The following MAST4 variants were observed in gnomAD, a reference collection of about 807,000 sequenced individuals.
MAST4 encodes the protein microtubule associated serine/threonine kinase family member 4.
A neutral mutation model predicts 162.7 loss-of-function variants in MAST4; 89 were observed. The ratio of observed to expected loss-of-function variants is 0.55; its 90% confidence interval spans 0.46 to 0.65. MAST4 has a LOEUF of 0.65. MAST4 is among the 30% of genes least tolerant of loss of function. The pLI, the probability that MAST4 is intolerant of heterozygous loss-of-function variation, is 0.00. For synonymous variants in MAST4, 1,479 were observed against 1,361.1 expected, an observed-to-expected ratio of 1.09 and a Z score of -1.91; for missense variants, 3,153 against 3,374.0, an observed-to-expected ratio of 0.93 and a Z score of 1.62.
chr5:66,673,988 A>G (rs1329587338), intron 1 of MAST4, among the ~76,000 whole-genome samples: 1 of 152,248 alleles, frequency 6.6e-6, no homozygotes, highest in Non-Finnish European at 1.5e-5. Flanking sequence ...GGCTCTCAGG[A>G]TTACATAAAG....
At chr5:66,841,081 A>G (rs1335968334) in intron 3 of MAST4, among the ~76,000 whole-genome samples, 1 of 152,148 alleles carries the variant, frequency 6.6e-6, no homozygotes, top group African/African-American at 2.4e-5. Flanking sequence ...CATCAATAAG[A>G]TATATTACTT....
intron 4 of MAST4, among the ~76,000 whole-genome samples, chr5:66,966,908 TTGTAATGA>T (rs1746804190): frequency 2.0e-5 from 3 of 152,308 alleles, no homozygotes; most frequent in East Asian, 3.9e-4. Context: ...GAGGAAAATG[TTGTAATGA>T]TGAGTCTGGT....
At chr5:66,654,801 T>C (rs565276590) in intron 1 of MAST4, among the ~76,000 whole-genome samples, 2 of 152,150 alleles carry the variant, frequency 1.3e-5, no homozygotes, top group Non-Finnish European at 2.9e-5. Flanking sequence ...AAATTAAATA[T>C]GGAAATTCTA....
intron 4 of MAST4, among the ~76,000 whole-genome samples, chr5:66,981,109 G>A (rs1748760938): frequency 6.6e-6 from 1 of 152,186 alleles, no homozygotes; most frequent in East Asian, 1.9e-4. Flanking sequence ...TCATAAGTTT[G>A]TAACCCTGTG....
At chr5:66,750,647 G>A (rs1030644903) in intron 1 of MAST4, among the ~76,000 whole-genome samples, 7 of 152,182 alleles carry the variant, frequency 4.6e-5, no homozygotes, top group Non-Finnish European at 8.8e-5. Flanking sequence ...AGGGTCCTAC[G>A]CCCACGGAGT....
intron 1 of MAST4, among the ~76,000 whole-genome samples, chr5:66,731,692 T>C (rs1398831359): frequency 6.6e-6 from 1 of 152,106 alleles, no homozygotes; most frequent in African/African-American, 2.4e-5. Flanking sequence ...CACCTTTGTC[T>C]CCACTCTCAT....
chr5:67,096,727 G>T (rs1026766437), intron 7 of MAST4, among the ~76,000 whole-genome samples: 1 of 152,088 alleles, frequency 6.6e-6, no homozygotes, highest in East Asian at 1.9e-4. Flanking sequence ...ATTGTTAAAA[G>T]CTGTTGGGTT....
At position 67,168,443 on chromosome 5, in the gene MAST4, T is replaced by C. The variant is rs1774288631; in HGVS notation, c.*1392T>C. ...TTACTTTTGCTAAGCCTTATTTAAA[T>C]TTTGTATACCGTGGAATATGTAGAA... On this transcript the variant is annotated 3_prime_UTR_variant, in exon 29 of 29. Transcript: ENST00000403625. The C allele has an allele frequency of 6.6e-6, 1 of 152,198 alleles. No individual in the cohort carries two copies. Among genetic ancestry groups the C allele is most frequent in the Non-Finnish European group, 1.5e-5 (1 of 68,028 alleles). 9.4% of individuals were successfully genotyped at this position (152,198 alleles called of 1,614,324 possible). A position where few individuals can be genotyped will look rare whatever the true frequency, so the allele number is the denominator to read the frequency against.
At chr5:66,771,632 G>T (rs906857280) in intron 2 of MAST4, among the ~76,000 whole-genome samples, 1 of 152,156 alleles carries the variant, frequency 6.6e-6, no homozygotes, top group Non-Finnish European at 1.5e-5. Flanking sequence ...GTTCTAGCGT[G>T]ATTCTACAAA....
At chr5:66,657,554 A>G (rs898444607) in intron 1 of MAST4, among the ~76,000 whole-genome samples, 8 of 152,232 alleles carry the variant, frequency 5.3e-5, no homozygotes, top group Non-Finnish European at 8.8e-5. Flanking sequence ...AAATGAAGGT[A>G]AAATCGGTAT....
At chr5:66,755,539 G>A (rs965869596) in intron 1 of MAST4, among the ~76,000 whole-genome samples, 4 of 152,302 alleles carry the variant, frequency 2.6e-5, no homozygotes, top group African/African-American at 9.6e-5. Context: ...AAAGAAATCT[G>A]TGGTGCTTAT....
At chr5:66,855,697 C>T (rs1026096605) in intron 3 of MAST4, among the ~76,000 whole-genome samples, 2 of 152,182 alleles carry the variant, frequency 1.3e-5, no homozygotes, top group African/African-American at 4.8e-5. Context: ...AATTGGCTAC[C>T]TGAAGGACTC....
chr5:66,974,785 C>A (rs767468635), intron 4 of MAST4, among the ~76,000 whole-genome samples: 4 of 152,086 alleles, frequency 2.6e-5, no homozygotes, highest in African/African-American at 4.8e-5. Context: ...GTACATAATA[C>A]CTTGAAAGCT....
chr5:67,088,079 ATG>A (rs1301400856), intron 5 of MAST4, among the ~76,000 whole-genome samples: 6 of 152,218 alleles, frequency 3.9e-5, no homozygotes, highest in South Asian at 4.1e-4. Flanking sequence ...CATCCTGAAG[ATG>A]AAGGGTCAGC....
intron 4 of MAST4, among the ~76,000 whole-genome samples, chr5:66,936,306 C>CCTTACT (rs1361105792): frequency 6.6e-6 from 1 of 152,186 alleles, no homozygotes; most frequent in African/African-American, 2.4e-5. Flanking sequence ...CATCTCTGGT[C>CCTTACT]CTTACTCTCT....
chr5:66,727,704 G>A (rs1751607937), intron 1 of MAST4, among the ~76,000 whole-genome samples: 1 of 152,050 alleles, frequency 6.6e-6, no homozygotes, highest in Admixed American at 6.6e-5. Context: ...GAGGGGAGAG[G>A]GCTATCGTTT....
At chr5:66,653,634 T>C (rs1746367285) in intron 1 of MAST4, among the ~76,000 whole-genome samples, 1 of 152,176 alleles carries the variant, frequency 6.6e-6, no homozygotes, top group African/African-American at 2.4e-5. Context: ...GCCAGGGTGA[T>C]TCACATCTCC....
At chr5:66,791,626 C>A (rs1394674178) in intron 3 of MAST4, among the ~76,000 whole-genome samples, 1 of 152,126 alleles carries the variant, frequency 6.6e-6, no homozygotes, top group Non-Finnish European at 1.5e-5. Flanking sequence ...TATAATAGTA[C>A]CTGGCATATA....
Position 66,981,988 on chromosome 5 carries a change from G to A in MAST4, c.675-72416G>A, listed in dbSNP as rs140570566. ...ATGATTTTTTATTGTGTTTGAGGCA[G>A]CCATAAAGTGATTTGAGGCCTCAAT... On this transcript the variant is annotated intron_variant, in intron 4 of 28. Transcript: ENST00000403625. Among the ~76,000 whole-genome samples the A allele has an allele frequency of 2.5e-4, 38 of 152,284 alleles. No individual in the cohort carries two copies. In the East Asian group the frequency reaches 7.1e-3, roughly 29 times the overall value.
Sources: gnomAD v4.1 joint callset for allele counts (sites outside exome capture counted in the v4.1 genomes callset) on GRCh38, gnomAD v4.1.1 for gene constraint, MANE v1.5 for transcripts, NCBI Gene and HGNC (gene_info 2026-07-23, HGNC 2026-07-21) for gene names.